The following SLC6A8 variants were observed in gnomAD, a reference collection of about 807,000 sequenced individuals.
The protein encoded by SLC6A8 is solute carrier family 6 member 8.
A neutral mutation model predicts 48.3 loss-of-function variants in SLC6A8; 6 were observed. The ratio of observed to expected loss-of-function variants is 0.12; its 90% CI spans 0.07 to 0.25. The LOEUF is 0.25. Ranked by LOEUF, SLC6A8 falls within the 10% of genes least tolerant of loss-of-function variation. SLC6A8 has a pLI of 1.00. For missense variants in SLC6A8, 260 were observed against 551.5 expected (o/e 0.47, Z 5.29); for synonymous variants, 245 against 244.0 (o/e 1.00, Z -0.04).
rs1557045400 is a variant in SLC6A8, at chrX:153,694,185, A to C, written c.1310A>C (p.Tyr437Ser). The C allele has an allele frequency of 2.5e-6, 3 of 1,208,378 alleles. No homozygotes were observed. Among genetic ancestry groups the C allele is most frequent in the Admixed American group, 4.4e-5 (2 of 45,758 alleles). ...CTCCTCGACCTCCTCCCGGCCTCCT[A>C]CTACTTCCGTTTCCAAAGGGAGATC... ...TGLLDLLPASYYFRFQREISV... is the reference protein window; with the variant it reads ...TGLLDLLPASSYFRFQREISV... The change falls in exon 9 of 13, where the codon TAC becomes TCC. Residue 437 changes from tyrosine to serine, a missense_variant. This residue lies in a region of SLC6A8 where 18 missense variants were observed against 20.2 expected (regional missense o/e 0.89). Transcript: ENST00000253122.
intron 2 of SLC6A8, 131 bp downstream of exon 2, chrX:153,690,637 TGGA>T (rs1313080942): frequency 1.2e-5 from 9 of 746,767 alleles, no homozygotes; most frequent in East Asian, 3.6e-5. Flanking sequence ...GGGGGGAGCC[TGGA>T]GGAGATGTTC....
chrX:153,696,275 C>T lies in SLC6A8; in HGVS notation c.*1061C>T. 1 of 302,081 alleles carries T rather than the reference C, an allele frequency of 3.3e-6. No homozygotes were observed. Among genetic ancestry groups the T allele is most frequent in the Middle Eastern group, 4.8e-4 (1 of 2,073 alleles). 24.9% of individuals were successfully genotyped at this position (302,081 alleles called of 1,213,427 possible). A position where few individuals can be genotyped will look rare whatever the true frequency, so the allele number is the denominator to read the frequency against. On this transcript the variant is annotated 3_prime_UTR_variant, in exon 13 of 13. Coordinates refer to ENST00000253122, the MANE Select transcript of SLC6A8 (RefSeq NM_005629.4). Reference sequence around the variant, plus strand: ...TATTCCGTCCTGGGTGTCTGGGCTGCTAACCTGGCCTGCTCAGGCTTCCCA... The same window carrying T: ...TATTCCGTCCTGGGTGTCTGGGCTGTTAACCTGGCCTGCTCAGGCTTCCCA...
rs183780161 is a variant in SLC6A8, at chrX:153,694,298, T to C, written c.1392+31T>C. Reference sequence around the variant, plus strand: ...TGGGGTGGGGGGTCTGCCTGTGACCTCTGGTGGCCGTCTGCCATCCTCCCT... The same window carrying C: ...TGGGGTGGGGGGTCTGCCTGTGACCCCTGGTGGCCGTCTGCCATCCTCCCT... On this transcript the variant is annotated intron_variant, in intron 9 of 12. Coordinates refer to ENST00000253122, the MANE Select transcript of SLC6A8 (RefSeq NM_005629.4). 896 of 1,208,396 alleles carry C rather than the reference T, an allele frequency of 7.4e-4. 4 individuals are homozygous for C. In the African/African-American group the frequency reaches 0.014, roughly 20 times the overall value.
In SLC6A8 at chrX:153,688,849, G is replaced by C; in HGVS notation, c.262+13G>C. On this transcript the variant is annotated intron_variant, in intron 1 of 12. Transcript: ENST00000253122. ...AAGAACGGCGGAGGTGAGTTCCCCC[G>C]CCCGCCGCGGCCTCCTCCCCCAGCA... 1 of 1,051,507 alleles carries C rather than the reference G, an allele frequency of 9.5e-7. No individual in the cohort carries two copies. Among genetic ancestry groups the C allele is most frequent in the Non-Finnish European group, 1.3e-6 (1 of 798,062 alleles). 86.7% of individuals were successfully genotyped at this position (1,051,507 alleles called of 1,213,427 possible).
Position 153,688,663 on chromosome X carries a change from C to T in SLC6A8, c.89C>T (p.Ala30Val), listed in dbSNP as rs782598816. ...CTCATCGCGCCCGGGCCCGACGGGGCCCCGGCCAAGGGCGACGGCCCCGTG... is the reference window on the plus strand; with the variant it reads ...CTCATCGCGCCCGGGCCCGACGGGGTCCCGGCCAAGGGCGACGGCCCCGTG... ...GPLIAPGPDGAPAKGDGPVGL... is the reference protein window; with the variant it reads ...GPLIAPGPDGVPAKGDGPVGL... Residue 30 changes from alanine (A) to valine (V), a missense_variant, in exon 1 of 13, where the codon GCC (alanine) becomes GTC (valine). Ala to Val is a moderately conservative substitution (Grantham distance 64, BLOSUM62 0). Coordinates refer to ENST00000253122, the MANE Select transcript of SLC6A8 (RefSeq NM_005629.4). The T allele has an allele frequency of 8.3e-6, 9 of 1,080,010 alleles. No individual in the cohort carries two copies. In the South Asian group the frequency reaches 1.1e-4, roughly 13 times the overall value. 89.0% of individuals were successfully genotyped at this position (1,080,010 alleles called of 1,213,427 possible).
chrX:153,691,691 G>A lies in SLC6A8; in HGVS notation c.644+138G>A, dbSNP rs1165624207. On this transcript the variant is annotated intron_variant, in intron 3 of 12. Transcript: ENST00000253122. ...TCCTGGACCCTGCCTGCCCTTGCCT[G>A]TCCTCGGAGAGTCCTGGGGCCAGCC... 7.1e-6 allele frequency: 6 copies of A among 841,482 alleles called. No individual in the cohort carries two copies. In the African/African-American group the frequency reaches 1.2e-4, roughly 17 times the overall value. The allele number at this position is 841,482 out of a possible 1,213,427, so 69.3% of individuals were successfully genotyped here.
In SLC6A8 at chrX:153,691,961, C is replaced by T. The variant is rs782227426; in HGVS notation, c.645-14C>T. 531 of 1,183,136 alleles carry T rather than the reference C, an allele frequency of 4.5e-4. 1 individual carries two copies. Among genetic ancestry groups the T allele is most frequent in the Non-Finnish European group, 5.6e-4 (489 of 874,884 alleles). ...GCTGGCACAGGCCTCATGGGACCTC[C>T]CTCCCTCCCCTAGGAACAAAGTCTT... On this transcript the variant is annotated splice_polypyrimidine_tract_variant and intron_variant, in intron 3 of 12. Transcript: ENST00000253122.
rs2091482761 is a variant in SLC6A8, at chrX:153,695,160, C to T, written c.1854C>T (p.Thr618=). 2 of 1,194,629 alleles carry T rather than the reference C, an allele frequency of 1.7e-6. No individual in the cohort carries two copies. Among genetic ancestry groups the T allele is most frequent in the South Asian group, 1.8e-5 (1 of 54,716 alleles). Residue 618 remains threonine, a synonymous_variant, in exon 13 of 13, where the codon ACC becomes ACT. Coordinates refer to ENST00000253122, the MANE Select transcript of SLC6A8 (RefSeq NM_005629.4). ...AQDADVRGLT[T]LTPVSESSKV... ...ACGCAGATGTCAGGGGCCTGACCAC[C>T]CTGACCCCAGTGTCCGAGAGCAGCA...
At chrX:153,694,942 C>A in intron 12 of SLC6A8, 53 bp downstream of exon 12, 1 of 990,854 alleles carries the variant, frequency 1.0e-6, no homozygotes, top group Non-Finnish European at 1.4e-6. Flanking sequence ...ACATTCAACC[C>A]AGCCTGCTTC....
Position 153,694,901 on chromosome X carries a change from G to A in SLC6A8, c.1767+12G>A. 3 of 680,404 alleles carry A rather than the reference G, an allele frequency of 4.4e-6. No individual in the cohort carries two copies. Among genetic ancestry groups the A allele is most frequent in the Non-Finnish European group, 4.3e-6 (2 of 466,589 alleles). 56.1% of individuals were successfully genotyped at this position (680,404 alleles called of 1,213,427 possible). ...GCACCATGGCTGAGGTAAGGCTCCCGCCCGGCCCGCCCTCCCCTCCCCTGC... is the reference window on the plus strand; with the variant it reads ...GCACCATGGCTGAGGTAAGGCTCCCACCCGGCCCGCCCTCCCCTCCCCTGC... On this transcript the variant is annotated intron_variant, in intron 12 of 12. Coordinates refer to ENST00000253122, the MANE Select transcript of SLC6A8 (RefSeq NM_005629.4).
At chrX:153,691,099 C>T (rs1357901378) in intron 2 of SLC6A8, 6 of 449,474 alleles carry the variant, frequency 1.3e-5, no homozygotes, top group East Asian at 8.0e-5. Flanking sequence ...GTCTAGGGGG[C>T]GGCTGGAGGA....
At chrX:153,691,827 G>A (rs374102065) in intron 3 of SLC6A8, 148 bp from the exon 4 acceptor site, 9 of 669,172 alleles carry the variant, frequency 1.3e-5, no homozygotes, top group South Asian at 2.7e-5. Context: ...CCAGGGGATC[G>A]TGGGCTCCAG....
rs1330286476 is a variant in SLC6A8 at position 153,694,174 on chromosome X, C to G, written c.1299C>G (p.Leu433=). The G allele has an allele frequency of 8.3e-7, 1 of 1,208,746 alleles. No homozygotes were observed. Among genetic ancestry groups the G allele is most frequent in the Non-Finnish European group, 1.1e-6 (1 of 894,158 alleles). ...TCATCACCGGCCTCCTCGACCTCCT[C>G]CCGGCCTCCTACTACTTCCGTTTCC... ...EGFITGLLDL[L]PASYYFRFQR... The change falls in exon 9 of 13, where the codon CTC becomes CTG. Residue 433 remains leucine (L), a synonymous_variant. Transcript: ENST00000253122.
At chrX:153,693,426 G>A (rs782205474) in intron 6 of SLC6A8, 36 bp from the exon 7 acceptor site, 1 of 1,210,583 alleles carries the variant, frequency 8.3e-7, no homozygotes, top group South Asian at 1.8e-5. Flanking sequence ...CTGCCCAGCA[G>A]CCTAACCCAT....
chrX:153,689,812 C>A (rs5945340), intron 1 of SLC6A8, among the ~76,000 whole-genome samples: 5 of 111,365 alleles, frequency 4.5e-5, no homozygotes, highest in Non-Finnish European at 7.6e-5. Flanking sequence ...TAAGGCCGGC[C>A]TGGCCCCTCT....
chrX:153,695,718 C>T lies in SLC6A8; in HGVS notation c.*504C>T, dbSNP rs1215566302. On this transcript the variant is annotated 3_prime_UTR_variant, in exon 13 of 13. Coordinates refer to ENST00000253122, the MANE Select transcript of SLC6A8 (RefSeq NM_005629.4). The stretch of plus-strand genomic sequence containing the variant: ...TATTTCAGCTGGGCTATACCCCTCT[C>T]CCCATCCCTGTTATAGAAGCTTAGA... 1 of 156,086 alleles carries T rather than the reference C, an allele frequency of 6.4e-6. No homozygotes were observed. Among genetic ancestry groups the T allele is most frequent in the African/African-American group, 3.1e-5 (1 of 32,272 alleles). 12.9% of individuals were successfully genotyped at this position (156,086 alleles called of 1,213,427 possible).
chrX:153,689,555 G>T (rs2091444346), intron 1 of SLC6A8: 4 of 751,655 alleles, frequency 5.3e-6, no homozygotes, highest in South Asian at 1.4e-4. Flanking sequence ...CAGAGCAAAG[G>T]CCTTTGCCCA....
chrX:153,691,902 A>G, intron 3 of SLC6A8, 73 bp from the exon 4 acceptor site: 1 of 1,101,701 alleles, frequency 9.1e-7, no homozygotes, highest in East Asian at 3.1e-5. Context: ...GGGAGCCACA[A>G]CTCCTGGGGG....
chrX:153,689,209 G>GC (rs1357532953), intron 1 of SLC6A8, among the ~76,000 whole-genome samples: 8 of 110,723 alleles, frequency 7.2e-5, no homozygotes, highest in Admixed American at 2.8e-4. Flanking sequence ...CATTGTGTGG[G>GC]CCCCCCACGT....
Sources: gnomAD v4.1 joint callset for allele counts (sites outside exome capture counted in the v4.1 genomes callset) on GRCh38, gnomAD v4.1.1 for gene constraint, gnomAD v4.1.1 regional missense constraint, MANE v1.5 for transcripts, NCBI Gene and HGNC (gene_info 2026-07-23, HGNC 2026-07-21) for gene names.